The following XKR4 variants were observed in gnomAD, a reference collection of about 807,000 sequenced individuals.
XKR4 encodes the protein XK related 4, also known as XK-related protein 4.
Under a neutral mutation model 53.9 loss-of-function variants are expected in XKR4, and 12 were observed. The ratio of observed to expected loss-of-function variants is 0.22; its 90% CI spans 0.14 to 0.36. The LOEUF (loss-of-function observed/expected upper bound fraction) is 0.36. Among genes scored for constraint, XKR4 ranks in the 10% least tolerant of loss-of-function variants. The probability of loss-of-function intolerance (pLI) is 1.00; values close to 1 mark genes in which losing one functional copy is unlikely to be tolerated. For missense variants in XKR4, 799 were observed against 859.5 expected (o/e 0.93, Z 0.88); for synonymous variants, 354 against 362.4 (o/e 0.98, Z 0.26).
chr8:55,475,993 A>T (rs1156741682), intron 2 of XKR4, among the ~76,000 whole-genome samples: 1 of 151,748 alleles, frequency 6.6e-6, no homozygotes, highest in South Asian at 2.1e-4. Context: ...TGATCCATTC[A>T]CTTCAGCCTT....
intron 1 of XKR4, among the ~76,000 whole-genome samples, chr8:55,338,034 A>G (rs1803487877): frequency 6.6e-6 from 1 of 152,220 alleles, no homozygotes; most frequent in Non-Finnish European, 1.5e-5. Flanking sequence ...GAAATAGGCC[A>G]ATTTGGCCTG....
At chr8:55,434,956 T>G (rs1201918163) in intron 2 of XKR4, among the ~76,000 whole-genome samples, 4 of 152,086 alleles carry the variant, frequency 2.6e-5, no homozygotes, top group African/African-American at 9.7e-5. Flanking sequence ...TCCACAAAAA[T>G]CAGCAATGCT....
At chr8:55,197,542 TA>T (rs1311297889) in intron 1 of XKR4, among the ~76,000 whole-genome samples, 3 of 142,714 alleles carry the variant, frequency 2.1e-5, no homozygotes, top group African/African-American at 8.3e-5. Flanking sequence ...TGGGTTCAGC[TA>T]AATTTTTTTT....
intron 1 of XKR4, among the ~76,000 whole-genome samples, chr8:55,195,148 CACCGACA>C (rs1563480062): frequency 1.9e-4 from 19 of 100,428 alleles, no homozygotes; most frequent in Non-Finnish European, 2.1e-4. Context: ...AAATAATTTT[CACCGACA>C]AGTCCATGAA....
intron 2 of XKR4, among the ~76,000 whole-genome samples, chr8:55,478,486 A>G (rs1563362116): frequency 6.6e-6 from 1 of 152,256 alleles, no homozygotes; most frequent in Non-Finnish European, 1.5e-5. Flanking sequence ...AAGAAACTGC[A>G]TCAACTAATG....
intron 1 of XKR4, among the ~76,000 whole-genome samples, chr8:55,329,289 A>G (rs1690142214): frequency 6.6e-6 from 1 of 152,126 alleles, no homozygotes; most frequent in African/African-American, 2.4e-5. Flanking sequence ...TGTTTAACCC[A>G]ATGCCCACAG....
chr8:55,239,871 G>C (rs1006718386), intron 1 of XKR4, among the ~76,000 whole-genome samples: 2 of 152,182 alleles, frequency 1.3e-5, no homozygotes, highest in African/African-American at 4.8e-5. Context: ...TTGAGAAGGA[G>C]AACTCTTGCA....
At chr8:55,235,491 A>G (rs1478530338) in intron 1 of XKR4, among the ~76,000 whole-genome samples, 1 of 152,196 alleles carries the variant, frequency 6.6e-6, no homozygotes, top group East Asian at 1.9e-4. Context: ...AGTATTTGGT[A>G]TGTTGTAAGC....
At chr8:55,387,861 C>T (rs1428075846) in intron 2 of XKR4, among the ~76,000 whole-genome samples, 1 of 152,122 alleles carries the variant, frequency 6.6e-6, no homozygotes, top group Admixed American at 6.5e-5. Flanking sequence ...CATCTCTGTT[C>T]CCACTCAGAA....
chr8:55,134,575 T>C (rs559845967), intron 1 of XKR4, among the ~76,000 whole-genome samples: 1 of 152,320 alleles, frequency 6.6e-6, no homozygotes, highest in African/African-American at 2.4e-5. Flanking sequence ...TGGGTGTCTC[T>C]TACATAGTGG....
chr8:55,236,307 C>G (rs1019080787), intron 1 of XKR4, among the ~76,000 whole-genome samples: 1 of 152,202 alleles, frequency 6.6e-6, no homozygotes, highest in Non-Finnish European at 1.5e-5. Flanking sequence ...CATGAGGCTG[C>G]ATACAGTCCA....
At chr8:55,110,754 A>G (rs560574788) in intron 1 of XKR4, among the ~76,000 whole-genome samples, 1 of 152,308 alleles carries the variant, frequency 6.6e-6, no homozygotes, top group Non-Finnish European at 1.5e-5. Flanking sequence ...ATTCTTACCT[A>G]TACTTGACTA....
chr8:55,103,368 A>G, intron 1 of XKR4, 74 bp downstream of exon 1: 2 of 1,515,192 alleles, frequency 1.3e-6, no homozygotes, highest in Non-Finnish European at 1.8e-6. Flanking sequence ...TTTGCACGGA[A>G]ATCTTTCAGG....
intron 2 of XKR4, among the ~76,000 whole-genome samples, chr8:55,460,224 G>T (rs1338862994): frequency 1.3e-5 from 2 of 152,092 alleles, no homozygotes; most frequent in East Asian, 3.8e-4. Context: ...TAATAAAAAA[G>T]GCAAAACCAC....
Position 55,530,876 on chromosome 8 carries a change from G to A in XKR4, c.*6649G>A, listed in dbSNP as rs1275222658. ...ACAATACACTTTTTTTTTTCCCTGA[G>A]TCATTTATTCAACAAGTTTGACCTC... is the stretch of plus-strand genomic sequence containing the variant. On this transcript the variant is annotated 3_prime_UTR_variant, in exon 3 of 3. Coordinates refer to ENST00000327381, the MANE Select transcript of XKR4 (RefSeq NM_052898.2). 6.6e-6 allele frequency: 1 copy of A among 151,290 alleles called. No homozygotes were observed. Among genetic ancestry groups the A allele is most frequent in the Non-Finnish European group, 1.5e-5 (1 of 67,880 alleles). 9.4% of individuals were successfully genotyped at this position (151,290 alleles called of 1,614,324 possible).
chr8:55,228,392 G>A (rs142082122), intron 1 of XKR4, among the ~76,000 whole-genome samples: 5 of 152,268 alleles, frequency 3.3e-5, no homozygotes, highest in African/African-American at 1.2e-4. Context: ...TTCATCTAAA[G>A]AGGATGAATC....
chr8:55,447,128 T>C (rs1022860119), intron 2 of XKR4, among the ~76,000 whole-genome samples: 2 of 151,392 alleles, frequency 1.3e-5, no homozygotes, highest in African/African-American at 4.9e-5. Context: ...CAGATCTAGA[T>C]GGTGAACCAG....
At chr8:55,395,513 G>A (rs2129389210) in intron 2 of XKR4, among the ~76,000 whole-genome samples, 1 of 152,250 alleles carries the variant, frequency 6.6e-6, no homozygotes, top group South Asian at 2.1e-4. Context: ...GATGGACCCA[G>A]CCCACAGGCC....
intron 2 of XKR4, among the ~76,000 whole-genome samples, chr8:55,485,580 T>C (rs1189000566): frequency 1.3e-5 from 2 of 152,214 alleles, no homozygotes; most frequent in Admixed American, 6.5e-5. Flanking sequence ...GGTTTCACCA[T>C]GTTGGCCAGG....
Sources: gnomAD v4.1 joint callset for allele counts (sites outside exome capture counted in the v4.1 genomes callset) on GRCh38, gnomAD v4.1.1 for gene constraint, MANE v1.5 for transcripts, NCBI Gene and HGNC (gene_info 2026-07-23, HGNC 2026-07-21) for gene names.